The following ADRA1A variants were observed in gnomAD, a reference collection of about 807,000 sequenced individuals.
ADRA1A encodes alpha-1A adrenergic receptor.
ADRA1A carries 31 observed loss-of-function variants against 29.6 expected under a neutral mutation model. The observed-to-expected ratio is 1.05, with a 90% CI of 0.79 to 1.41. ADRA1A has a LOEUF of 1.41. Ranked by LOEUF, ADRA1A falls within the 40% of genes most tolerant of loss-of-function variation. The probability of loss-of-function intolerance (pLI) is 0.00; values close to 1 mark genes in which losing one functional copy is unlikely to be tolerated. For missense variants in ADRA1A, 619 were observed against 601.1 expected (o/e 1.03, Z -0.31); for synonymous variants, 311 against 254.3 (o/e 1.22, Z -2.12).
intron 2 of ADRA1A, among the ~76,000 whole-genome samples, chr8:26,857,589 T>A (rs181756083): frequency 6.6e-6 from 1 of 152,148 alleles, no homozygotes; most frequent in African/African-American, 2.4e-5. Flanking sequence ...GAGAATCACT[T>A]GAGTTCGAGG....
Position 26,805,472 on chromosome 8 carries a change from C to T in ADRA1A, c.884-34806G>A, listed in dbSNP as rs763212721. Among the ~76,000 whole-genome samples the T allele has an allele frequency of 6.6e-6, 1 of 152,212 alleles. No homozygotes were observed. The highest frequency in any genetic ancestry group is 2.1e-4 in the South Asian group (1 of 4,828). ...TGGGTAATACAAGACTGAATACTTA[C>T]TGCGTGTCCACTCTATGCCCAGTAC... On this transcript the variant is annotated intron_variant, in intron 2 of 2. Transcript: ENST00000380573. This position sits in a 1 kb window ranked among gnomAD's most constrained non-coding sequence, Gnocchi z 4.8.
intron 2 of ADRA1A, among the ~76,000 whole-genome samples, chr8:26,837,890 C>T (rs1201836938): frequency 6.6e-6 from 1 of 152,188 alleles, no homozygotes; most frequent in Non-Finnish European, 1.5e-5. Flanking sequence ...CCTTTGATTC[C>T]TATCTCAATA....
At chr8:26,809,426 C>A (rs556911777) in intron 2 of ADRA1A, among the ~76,000 whole-genome samples, 1 of 151,966 alleles carries the variant, frequency 6.6e-6, no homozygotes, top group African/African-American at 2.4e-5. Flanking sequence ...GAACCAGAAC[C>A]CTGATTTCTC....
chr8:26,781,988 C>G (rs1172519517), intron 2 of ADRA1A, among the ~76,000 whole-genome samples: 2 of 152,222 alleles, frequency 1.3e-5, no homozygotes, highest in Non-Finnish European at 2.9e-5. Context: ...CGGACTGCTG[C>G]AAAGATGCTT....
intron 2 of ADRA1A, among the ~76,000 whole-genome samples, chr8:26,793,641 A>T (rs910522585): frequency 1.3e-5 from 2 of 152,022 alleles, no homozygotes; most frequent in African/African-American, 2.4e-5. Context: ...AAGAAATAAT[A>T]TATTTTCAGA....
At chr8:26,793,209 G>A (rs1807956993) in intron 2 of ADRA1A, among the ~76,000 whole-genome samples, 1 of 151,902 alleles carries the variant, frequency 6.6e-6, no homozygotes, top group African/African-American at 2.4e-5. Context: ...ATAGGTATAT[G>A]TATGTATATT....
chr8:26,754,657 G>A (rs1805072068), downstream of ADRA1A, among the ~76,000 whole-genome samples: 1 of 152,066 alleles, frequency 6.6e-6, no homozygotes, highest in South Asian at 2.1e-4. Flanking sequence ...AAATGTCACC[G>A]GGTTCATGGT....
intron 2 of ADRA1A, among the ~76,000 whole-genome samples, chr8:26,837,854 T>C (rs1811502001): frequency 6.6e-6 from 1 of 152,224 alleles, no homozygotes; most frequent in Non-Finnish European, 1.5e-5. Flanking sequence ...CTCCCATGTA[T>C]GCTCAGAATG....
rs542772685 is a variant in ADRA1A at position 26,860,915 on chromosome 8, G to A, written c.883+3172C>T. 2.7e-4 allele frequency among the ~76,000 whole-genome samples: 41 copies of A among 152,142 alleles called. No homozygotes were observed. The highest frequency in any genetic ancestry group is 1.4e-3 in the Admixed American group (22 of 15,288). On this transcript the variant is annotated intron_variant, in intron 2 of 2. Coordinates refer to ENST00000380573, the MANE Select transcript of ADRA1A (RefSeq NM_000680.4). This position sits in a 1 kb window ranked among gnomAD's most constrained non-coding sequence, Gnocchi z 4.7. ...CTCTCTATACCCCTCCAGCTACACC[G>A]CATCTCCTAGCTCCAGTGTATAGCA...
chr8:26,847,765 ACTT>A (rs1390666049), intron 2 of ADRA1A, among the ~76,000 whole-genome samples: 1 of 152,060 alleles, frequency 6.6e-6, no homozygotes, highest in Non-Finnish European at 1.5e-5. Flanking sequence ...TTCTTCCCAA[ACTT>A]CTTCTGATAC....
intron 2 of ADRA1A, among the ~76,000 whole-genome samples, chr8:26,837,155 A>AG (rs397941249): frequency 2.0e-5 from 3 of 151,646 alleles, no homozygotes; most frequent in African/African-American, 7.3e-5. Flanking sequence ...AAAAAAAAAA[A>AG]GCATATAGAA....
Position 26,865,028 on chromosome 8 carries a change from G to C in ADRA1A, c.-59C>G. On this transcript the variant is annotated 5_prime_UTR_variant, in exon 2 of 3. Transcript: ENST00000380573. This position sits in a 1 kb window ranked among gnomAD's most constrained non-coding sequence, Gnocchi z 7.6. ...CCAGGGCCACCTCCCGGGCTGGCGCGGAGGCGGGAGCGCGGGAGCCGGGAA... is the reference window on the plus strand; with the variant it reads ...CCAGGGCCACCTCCCGGGCTGGCGCCGAGGCGGGAGCGCGGGAGCCGGGAA... 2 of 1,522,762 alleles carry C rather than the reference G, an allele frequency of 1.3e-6. No individual in the cohort carries two copies. The highest frequency in any genetic ancestry group is 1.3e-5 in the South Asian group (1 of 77,724). 94.3% of individuals were successfully genotyped at this position (1,522,762 alleles called of 1,614,324 possible). A position where few individuals can be genotyped will look rare whatever the true frequency, so the allele number is the denominator to read the frequency against.
At chr8:26,800,734 G>T in intron 2 of ADRA1A, among the ~76,000 whole-genome samples, 1 of 151,958 alleles carries the variant, frequency 6.6e-6, no homozygotes, top group Non-Finnish European at 1.5e-5. Flanking sequence ...AGAAGAAGAG[G>T]GAATGCTTCC....
At chr8:26,857,124 G>T (rs1350571280) in intron 2 of ADRA1A, among the ~76,000 whole-genome samples, 1 of 152,144 alleles carries the variant, frequency 6.6e-6, no homozygotes, top group Non-Finnish European at 1.5e-5. Context: ...TGTGAGCCTA[G>T]CTCTTCAAAG....
chr8:26,763,177 C>T (rs2130224122), downstream of ADRA1A, among the ~76,000 whole-genome samples: 1 of 152,242 alleles, frequency 6.6e-6, no homozygotes, highest in East Asian at 1.9e-4. This position sits in a 1 kb window ranked among gnomAD's most constrained non-coding sequence, Gnocchi z 4.5. Flanking sequence ...CCATGGCTCT[C>T]CTTGGTGAGC....
At chr8:26,846,655 C>T (rs1242010688) in intron 2 of ADRA1A, among the ~76,000 whole-genome samples, 3 of 152,140 alleles carry the variant, frequency 2.0e-5, no homozygotes, top group Admixed American at 1.3e-4. Context: ...ACCTGTAATC[C>T]CACCCACTTA....
At chr8:26,754,977 T>TTTGTTG (rs550583851), downstream of ADRA1A, among the ~76,000 whole-genome samples, 1 of 152,116 alleles carries the variant, frequency 6.6e-6, no homozygotes, top group Admixed American at 6.6e-5. Context: ...GTTTTTTCTT[T>TTTGTTG]TTGTTGTTGT....
At chr8:26,820,822 T>C (rs1427892910) in intron 2 of ADRA1A, among the ~76,000 whole-genome samples, 1 of 152,252 alleles carries the variant, frequency 6.6e-6, no homozygotes, top group Non-Finnish European at 1.5e-5. Flanking sequence ...TAGATTCATA[T>C]ATGGTTGTAA....
At chr8:26,842,438 G>T (rs563271188) in intron 2 of ADRA1A, among the ~76,000 whole-genome samples, 2 of 152,204 alleles carry the variant, frequency 1.3e-5, no homozygotes, top group East Asian at 3.9e-4. Flanking sequence ...TGCATGCAAA[G>T]CTCAAAAGCC....
Sources: allele counts gnomAD v4.1 joint callset (sites outside exome capture counted in the v4.1 genomes callset), GRCh38; gene constraint gnomAD v4.1.1; non-coding constraint Gnocchi (gnomAD v3.1); transcripts MANE v1.5; gene names NCBI Gene and HGNC (gene_info 2026-07-23, HGNC 2026-07-21).